The following DLC1 variants were observed in gnomAD, a reference collection of about 807,000 sequenced individuals.
DLC1 encodes DLC1 Rho GTPase activating protein, also known as rho GTPase-activating protein 7.
DLC1 carries 54 observed loss-of-function variants against 140.3 expected under a neutral mutation model. The ratio of observed to expected loss-of-function variants is 0.38; its 90% CI spans 0.31 to 0.48. The LOEUF is 0.48. Among genes scored for constraint, DLC1 ranks in the 20% least tolerant of loss-of-function variants. The pLI, the probability that DLC1 is intolerant of heterozygous loss-of-function variation, is 0.96. For missense variants in DLC1, 2,536 were observed against 1,907.0 expected (o/e 1.33, Z -6.14); for synonymous variants, 986 against 728.1 (o/e 1.35, Z -5.70).
chr8:13,240,838 C>G (rs1404893920), intron 5 of DLC1, among the ~76,000 whole-genome samples: 1 of 152,060 alleles, frequency 6.6e-6, no homozygotes, highest in Non-Finnish European at 1.5e-5. Context: ...TATCTTTGCT[C>G]CAAATGAGGA....
At chr8:13,253,996 T>C (rs1192880088) in intron 5 of DLC1, among the ~76,000 whole-genome samples, 1 of 152,128 alleles carries the variant, frequency 6.6e-6, no homozygotes, top group Admixed American at 6.5e-5. Flanking sequence ...CTCTTTTAAT[T>C]GGCAAAATCC....
At chr8:13,284,832 C>A (rs1278781181) in intron 5 of DLC1, among the ~76,000 whole-genome samples, 2 of 151,968 alleles carry the variant, frequency 1.3e-5, no homozygotes, top group African/African-American at 4.8e-5. Flanking sequence ...AATATTTGTA[C>A]AAAAATTTGT....
At chr8:13,290,172 A>G (rs1831704637) in intron 5 of DLC1, among the ~76,000 whole-genome samples, 2 of 152,186 alleles carry the variant, frequency 1.3e-5, no homozygotes, top group African/African-American at 2.4e-5. Context: ...ATCTGTCTTA[A>G]GCCTTAAGAT....
chr8:13,296,410 G>T (rs1394805358), intron 5 of DLC1, among the ~76,000 whole-genome samples: 1 of 152,160 alleles, frequency 6.6e-6, no homozygotes, highest in South Asian at 2.1e-4. Flanking sequence ...GCACTGAAAT[G>T]CAAAGCTGTC....
intron 5 of DLC1, among the ~76,000 whole-genome samples, chr8:13,144,152 C>G (rs933992196): frequency 1.3e-4 from 20 of 152,214 alleles, no homozygotes; most frequent in Non-Finnish European, 2.4e-4. Flanking sequence ...TGGACAGGCA[C>G]TGTCCAATCA....
intron 4 of DLC1, among the ~76,000 whole-genome samples, chr8:13,353,769 A>G (rs539483157): frequency 2.3e-4 from 35 of 152,068 alleles, no homozygotes; most frequent in African/African-American, 8.0e-4. Flanking sequence ...AGGCAGGAGA[A>G]TTGCTTGAAC....
At chr8:13,384,701 G>T (rs1314079833) in intron 4 of DLC1, among the ~76,000 whole-genome samples, 6 of 152,136 alleles carry the variant, frequency 3.9e-5, no homozygotes, top group African/African-American at 1.4e-4. Flanking sequence ...TGGGCCAGCA[G>T]AACCATAGAC....
At position 13,420,087 on chromosome 8, in the gene DLC1, G is replaced by A. The variant is rs571929027; in HGVS notation, c.1024-18468C>T. Among the ~76,000 whole-genome samples, 11 of 152,156 alleles carry A rather than the reference G, an allele frequency of 7.2e-5. No individual in the cohort carries two copies. The South Asian group carries it at 8.3e-4, about 11-fold the overall frequency. ...CCCTTTATCATTTTTTATTGCGTCT[G>A]TTTGATTCTTCTCTCTTTTTTTCTT... On this transcript the variant is annotated intron_variant, in intron 2 of 17. Transcript: ENST00000276297.
At chr8:13,567,641 A>G in intron 1 of DLC1, 1 of 1,551,706 alleles carries the variant, frequency 6.4e-7, no homozygotes, top group Non-Finnish European at 8.7e-7. Context: ...TTTCTGAAAC[A>G]AAAGAAGACT....
intron 2 of DLC1, among the ~76,000 whole-genome samples, chr8:13,422,210 A>T (rs1467461768): frequency 3.3e-5 from 5 of 152,138 alleles, no homozygotes; most frequent in African/African-American, 7.2e-5. Flanking sequence ...TGAGGTTTAA[A>T]CTAATACCTC....
At chr8:13,295,596 T>C (rs1291194276) in intron 5 of DLC1, among the ~76,000 whole-genome samples, 2 of 152,170 alleles carry the variant, frequency 1.3e-5, no homozygotes, top group Non-Finnish European at 2.9e-5. Context: ...AATTCTATAA[T>C]AGAAATGTCT....
intron 3 of DLC1, 60 bp from the exon 4 acceptor site, chr8:13,393,753 T>C: frequency 1.3e-6 from 2 of 1,561,754 alleles, no homozygotes; most frequent in South Asian, 2.4e-5. Flanking sequence ...ATGCCCTTCT[T>C]CCTACCACCA....
intron 2 of DLC1, among the ~76,000 whole-genome samples, chr8:13,440,260 T>C (rs1798446372): frequency 6.6e-6 from 1 of 152,150 alleles, no homozygotes; most frequent in African/African-American, 2.4e-5. Flanking sequence ...AACAATGAAA[T>C]CCTATGCCCT....
chr8:13,567,619 G>A (rs760216970), intron 1 of DLC1: 46 of 1,551,528 alleles, frequency 3.0e-5, no homozygotes, highest in Non-Finnish European at 3.9e-5. Flanking sequence ...AGCGGAGCTG[G>A]CCCTGTCTGC....
At chr8:13,143,756 C>G (rs1057498971) in intron 5 of DLC1, among the ~76,000 whole-genome samples, 1 of 150,038 alleles carries the variant, frequency 6.7e-6, no homozygotes, top group Non-Finnish European at 1.5e-5. Flanking sequence ...TCTTTGGCTA[C>G]AATGTAAGAA....
At chr8:13,154,150 G>C (rs4618696) in intron 5 of DLC1, among the ~76,000 whole-genome samples, 57,386 of 152,180 alleles carry the variant, frequency 0.38, 11,238 homozygotes, top group East Asian at 0.53. Context: ...CAAGTCCCCA[G>C]CAGACCCAGA....
chr8:13,250,887 T>C (rs926799839), intron 5 of DLC1, among the ~76,000 whole-genome samples: 1 of 151,610 alleles, frequency 6.6e-6, no homozygotes, highest in East Asian at 2.0e-4. Flanking sequence ...GCAAGAAGGA[T>C]AGAATAATGG....
chr8:13,427,167 C>G (rs968951406), intron 2 of DLC1, among the ~76,000 whole-genome samples: 2 of 152,204 alleles, frequency 1.3e-5, no homozygotes, highest in African/African-American at 4.8e-5. Context: ...CTACTCAATT[C>G]CATGCCCCAC....
intron 1 of DLC1, among the ~76,000 whole-genome samples, chr8:13,577,195 G>T (rs1398271730): frequency 6.6e-6 from 1 of 152,056 alleles, no homozygotes; most frequent in African/African-American, 2.4e-5. Flanking sequence ...TTTATAATAG[G>T]TTTCACTCCT....
Sources: allele counts gnomAD v4.1 joint callset (sites outside exome capture counted in the v4.1 genomes callset), GRCh38; gene constraint gnomAD v4.1.1; transcripts MANE v1.5; gene names NCBI Gene and HGNC (gene_info 2026-07-23, HGNC 2026-07-21).